The following SOX6 variants were observed in gnomAD, a reference collection of about 807,000 sequenced individuals.
SOX6 encodes SRY-box transcription factor 6, also known as transcription factor SOX-6.
SOX6 carries 11 observed loss-of-function variants against 97.8 expected under a neutral mutation model. That is an observed-to-expected ratio of 0.11 (90% CI 0.07 to 0.19). SOX6 has a LOEUF of 0.19. Among genes scored for constraint, SOX6 ranks in the 10% least tolerant of loss-of-function variants. SOX6 has a pLI of 1.00. For synonymous variants in SOX6, 360 were observed against 371.4 expected, an observed-to-expected ratio of 0.97 and a Z score of 0.35; for missense variants, 810 against 1,039.5, an observed-to-expected ratio of 0.78 and a Z score of 3.04.
intron 1 of SOX6, among the ~76,000 whole-genome samples, chr11:16,430,452 AT>A (rs1295888693): frequency 1.3e-5 from 2 of 152,176 alleles, no homozygotes; most frequent in African/African-American, 4.8e-5. Context: ...ATATGTTGAA[AT>A]CCTCATCCTC....
At chr11:16,132,436 AGAAAGAAAAAAGAAAGAAAGAAAGAAAG>A (rs1849824230) in intron 6 of SOX6, among the ~76,000 whole-genome samples, 1 of 84,682 alleles carries the variant, frequency 1.2e-5, no homozygotes, top group Non-Finnish European at 2.3e-5. Context: ...AAAGAAAGAA[AGAAAGAAAAAAGAAAGAAAGAAAGAAAG>A]AAAGAAAGAA....
intron 6 of SOX6, among the ~76,000 whole-genome samples, chr11:16,137,555 A>G (rs1310402629): frequency 2.0e-5 from 3 of 152,214 alleles, no homozygotes; most frequent in Non-Finnish European, 4.4e-5. Flanking sequence ...TTCTTCTAGT[A>G]TCTTACTTTT....
intron 9 of SOX6, among the ~76,000 whole-genome samples, chr11:16,075,759 C>T (rs981942971): frequency 6.6e-6 from 1 of 152,022 alleles, no homozygotes; most frequent in African/African-American, 2.4e-5. Context: ...ACCTATGTAA[C>T]AAACCTGCAT....
At chr11:16,027,099 C>A (rs1259001970) in intron 12 of SOX6, among the ~76,000 whole-genome samples, 1 of 152,160 alleles carries the variant, frequency 6.6e-6, no homozygotes, top group Non-Finnish European at 1.5e-5. Flanking sequence ...TCACATTGCA[C>A]ACCAGACTAA....
At position 16,469,408 on chromosome 11, in the gene SOX6, A is replaced by G. The variant is rs546428459; in HGVS notation, c.-5+6907T>C. On this transcript the variant is annotated intron_variant, in intron 1 of 15. Transcript: ENST00000396356. ...TTGCAAAAAAGAGATGTAAGGTCTT[A>G]CTTTAAATGTTAAGACAGACAAAGC... Among the ~76,000 whole-genome samples the G allele has an allele frequency of 2.0e-5, 3 of 152,250 alleles. No individual in the cohort carries two copies. In the South Asian group the frequency reaches 6.2e-4, roughly 32 times the overall value.
At chr11:16,549,089 T>C (rs1847650919) in intron 4 of SOX6, among the ~76,000 whole-genome samples, 1 of 152,160 alleles carries the variant, frequency 6.6e-6, no homozygotes. Context: ...GAAAAAAGTT[T>C]CAAAATCATT....
At chr11:16,402,848 A>G (rs956987162) in intron 1 of SOX6, 2 of 1,543,840 alleles carry the variant, frequency 1.3e-6, no homozygotes, top group African/African-American at 1.4e-5. Flanking sequence ...TCCTATCCCC[A>G]ATGGTCTCTC....
At chr11:16,362,363 C>A (rs1476653423) in intron 1 of SOX6, among the ~76,000 whole-genome samples, 2 of 152,064 alleles carry the variant, frequency 1.3e-5, no homozygotes, top group Non-Finnish European at 2.9e-5. Flanking sequence ...TGCTTTCCAT[C>A]CCCATGTTCC....
intron 4 of SOX6, among the ~76,000 whole-genome samples, chr11:16,580,556 TA>T (rs1490884814): frequency 3.3e-5 from 5 of 152,172 alleles, no homozygotes; most frequent in African/African-American, 1.2e-4. Context: ...ATCGCAGCAC[TA>T]TTCACAATAG....
chr11:16,625,548 A>G (rs994533023), intron 3 of SOX6, among the ~76,000 whole-genome samples: 2 of 152,184 alleles, frequency 1.3e-5, no homozygotes, highest in Non-Finnish European at 1.5e-5. Context: ...CTTTTGTTCT[A>G]ACAAGGTGAC....
intron 3 of SOX6, among the ~76,000 whole-genome samples, chr11:16,662,038 C>T (rs1847769645): frequency 6.6e-6 from 1 of 152,152 alleles, no homozygotes; most frequent in South Asian, 2.1e-4. Flanking sequence ...GAATAGTTAT[C>T]TATTAAATCA....
intron 13 of SOX6, among the ~76,000 whole-genome samples, chr11:16,003,222 T>A (rs1854452923): frequency 6.6e-6 from 1 of 151,972 alleles, no homozygotes; most frequent in African/African-American, 2.4e-5. Flanking sequence ...CTTGGAACAT[T>A]TTTTGTGTCA....
chr11:16,359,083 A>G (rs955611140), upstream of SOX6, among the ~76,000 whole-genome samples: 87 of 136,010 alleles, frequency 6.4e-4, 1 homozygote, highest in African/African-American at 2.4e-3. Flanking sequence ...ACCAGGTACT[A>G]GAGAGATATA....
chr11:16,261,921 C>T (rs901985727), intron 3 of SOX6, among the ~76,000 whole-genome samples: 7 of 151,950 alleles, frequency 4.6e-5, no homozygotes, highest in South Asian at 4.2e-4. Context: ...AAATATGTTC[C>T]CTTTTCTTAT....
At chr11:15,978,655 T>G (rs1853564798) in intron 15 of SOX6, among the ~76,000 whole-genome samples, 1 of 150,646 alleles carries the variant, frequency 6.6e-6, no homozygotes, top group Non-Finnish European at 1.5e-5. Flanking sequence ...TCCATGGCTT[T>G]AAATATTATC....
chr11:16,370,540 T>C (rs1857473027), intron 1 of SOX6, among the ~76,000 whole-genome samples: 1 of 152,150 alleles, frequency 6.6e-6, no homozygotes, highest in Admixed American at 6.6e-5. Flanking sequence ...CCAGAAGTGC[T>C]ATGTTCATAT....
intron 3 of SOX6, among the ~76,000 whole-genome samples, chr11:16,654,227 C>A (rs1178753861): frequency 6.6e-6 from 1 of 152,154 alleles, no homozygotes; most frequent in Non-Finnish European, 1.5e-5. Flanking sequence ...ATGGAGTCAT[C>A]TTGGCTCAAC....
intron 2 of SOX6, among the ~76,000 whole-genome samples, chr11:16,334,779 A>C (rs1043567291): frequency 1.3e-5 from 2 of 152,112 alleles, no homozygotes; most frequent in African/African-American, 4.8e-5. Context: ...GTAAGAAAGA[A>C]AATTTTTCCA....
chr11:16,512,575 A>T (rs577288675), intron 4 of SOX6, among the ~76,000 whole-genome samples: 3 of 152,318 alleles, frequency 2.0e-5, no homozygotes, highest in East Asian at 3.9e-4. Flanking sequence ...TGGCTTCAAT[A>T]TATCTGTATT....
Sources: allele counts gnomAD v4.1 joint callset (sites outside exome capture counted in the v4.1 genomes callset), GRCh38; gene constraint gnomAD v4.1.1; transcripts MANE v1.5; gene names NCBI Gene and HGNC (gene_info 2026-07-23, HGNC 2026-07-21).